AHI1: variants seen among roughly 807,000 people sequenced by gnomAD.
AHI1 encodes the protein jouberin.
In AHI1, 123 loss-of-function variants were observed where a neutral mutation model predicts 149.3. The observed-to-expected ratio is 0.82, with a 90% confidence interval of 0.71 to 0.96. The LOEUF (loss-of-function observed/expected upper bound fraction) is 0.96, where lower values mean the gene tolerates loss of function less well. AHI1 is among the 40% of genes least tolerant of loss of function. The pLI, the probability that AHI1 is intolerant of heterozygous loss-of-function variation, is 0.00. For missense variants in AHI1, 1,439 were observed against 1,422.7 expected (o/e 1.01, Z -0.18); for synonymous variants, 475 against 459.8 (o/e 1.03, Z -0.42).
At chr6:135,316,665 T>C (rs1785996506) in intron 26 of AHI1, among the ~76,000 whole-genome samples, 1 of 152,204 alleles carries the variant, frequency 6.6e-6, no homozygotes. Flanking sequence ...TTAATTAGGT[T>C]CTGTCCTTGG....
intron 27 of AHI1, among the ~76,000 whole-genome samples, chr6:135,298,335 AAAAAAAAC>A (rs975626421): frequency 4.6e-5 from 7 of 151,906 alleles, no homozygotes; most frequent in Non-Finnish European, 5.9e-5. Context: ...CTCAAAAAAA[AAAAAAAAC>A]AAAAAAACAA....
intron 20 of AHI1, 30 bp from the exon 21 acceptor site, chr6:135,411,574 T>C: frequency 2.0e-6 from 3 of 1,510,108 alleles, no homozygotes; most frequent in Non-Finnish European, 2.7e-6. Context: ...ATTAGTTAAA[T>C]CATCATAGCA....
At chr6:135,311,565 C>T (rs559793594) in intron 26 of AHI1, among the ~76,000 whole-genome samples, 153 of 152,104 alleles carry the variant, frequency 1.0e-3, no homozygotes, top group Middle Eastern at 6.8e-3. Flanking sequence ...TAGAACAACT[C>T]TAGTAATTAA....
intron 5 of AHI1, among the ~76,000 whole-genome samples, chr6:135,469,162 CCAT>C (rs755281528): frequency 3.3e-5 from 5 of 152,300 alleles, no homozygotes; most frequent in East Asian, 1.9e-4. Context: ...TTATCCACCA[CCAT>C]CAAGTCAGCT....
chr6:135,335,596 C>T (rs1282980808), intron 24 of AHI1, among the ~76,000 whole-genome samples: 1 of 151,874 alleles, frequency 6.6e-6, no homozygotes, highest in Non-Finnish European at 1.5e-5. Context: ...ATAAATAGTA[C>T]CAAGGTGCAT....
intron 26 of AHI1, among the ~76,000 whole-genome samples, chr6:135,306,143 G>A (rs999392208): frequency 6.6e-6 from 1 of 152,152 alleles, no homozygotes; most frequent in Non-Finnish European, 1.5e-5. Flanking sequence ...CTACTACAGT[G>A]CACAGAAAAC....
intron 26 of AHI1, chr6:135,301,207 G>C: frequency 1.0e-6 from 1 of 983,992 alleles, no homozygotes; most frequent in Non-Finnish European, 1.2e-6. Flanking sequence ...ACCTAATGTT[G>C]CTATAAAACG....
At chr6:135,329,697 AT>A (rs1245881851) in intron 24 of AHI1, among the ~76,000 whole-genome samples, 1 of 152,216 alleles carries the variant, frequency 6.6e-6, no homozygotes, top group African/African-American at 2.4e-5. Context: ...TAAGAAATGT[AT>A]TTCTTAAGTC....
intron 24 of AHI1, 22 bp downstream of exon 24, chr6:135,358,110 A>G: frequency 6.2e-7 from 1 of 1,606,984 alleles, no homozygotes; most frequent in Non-Finnish European, 8.5e-7. Context: ...ACTTTTAACA[A>G]CGTAGCAACA....
intron 23 of AHI1, among the ~76,000 whole-genome samples, chr6:135,386,968 C>G (rs563445134): frequency 1.3e-5 from 2 of 152,156 alleles, no homozygotes; most frequent in African/African-American, 2.4e-5. Context: ...TGCTCTGTCT[C>G]GACCTCCAGG....
At chr6:135,384,011 T>C (rs1777236210) in intron 23 of AHI1, among the ~76,000 whole-genome samples, 1 of 152,238 alleles carries the variant, frequency 6.6e-6, no homozygotes, top group African/African-American at 2.4e-5. Flanking sequence ...AAACATTTAC[T>C]ACTTTCACCA....
At chr6:135,465,637 T>C (rs1583370298) in intron 7 of AHI1, among the ~76,000 whole-genome samples, 177 bp downstream of exon 7, 1 of 152,226 alleles carries the variant, frequency 6.6e-6, no homozygotes, top group East Asian at 1.9e-4. Context: ...TTAATTCTCG[T>C]AAAGCACCTA....
At chr6:135,416,279 A>G (rs1463759184) in intron 20 of AHI1, among the ~76,000 whole-genome samples, 1 of 152,130 alleles carries the variant, frequency 6.6e-6, no homozygotes, top group Non-Finnish European at 1.5e-5. Context: ...GAACCATTAA[A>G]GAAAATTCAC....
chr6:135,405,893 A>AAAAAGG (rs1780725318), intron 21 of AHI1, among the ~76,000 whole-genome samples: 1 of 151,348 alleles, frequency 6.6e-6, no homozygotes, highest in Non-Finnish European at 1.5e-5. Context: ...AAAGAAAAAG[A>AAAAAGG]AAAAGAAAAA....
At chr6:135,361,192 T>A (rs1793807080) in intron 23 of AHI1, among the ~76,000 whole-genome samples, 1 of 152,230 alleles carries the variant, frequency 6.6e-6, no homozygotes, top group South Asian at 2.1e-4. Context: ...ACTTCAAGAA[T>A]AATATAAGCA....
intron 24 of AHI1, among the ~76,000 whole-genome samples, chr6:135,354,418 C>T (rs906780603): frequency 6.6e-5 from 10 of 152,112 alleles, no homozygotes; most frequent in African/African-American, 2.4e-4. Flanking sequence ...ATTAATTCTG[C>T]CAGAAAATAT....
In AHI1 at chr6:135,442,651, G is replaced by T. The variant is rs367934419; in HGVS notation, c.1843C>A (p.Leu615Ile). 7 of 1,610,980 alleles carry T rather than the reference G, an allele frequency of 4.3e-6. No homozygotes were observed. The highest frequency in any genetic ancestry group is 1.7e-4 in the Middle Eastern group (1 of 6,056). Residue 615 changes from leucine (L) to isoleucine (I), a missense_variant, in exon 14 of 29, where the codon CTT (leucine) becomes ATT (isoleucine). By Grantham distance (5) the Leu-to-Ile change is conservative. Transcript: ENST00000265602. ...ATTCTTCCATTGTGGGAGAAATCAA[G>T]ACAAAAACATCCTCGTTCTCCTGCA... ...LNAGERGCFC[L>I]DFSHNGRILA...
At chr6:135,453,251 C>T (rs1248461259) in intron 11 of AHI1, 90 bp downstream of exon 11, 2 of 974,218 alleles carry the variant, frequency 2.1e-6, no homozygotes, top group East Asian at 5.2e-5. Flanking sequence ...GATTCTAATT[C>T]CTTATATGAG....
At chr6:135,399,567 G>A (rs959522048) in intron 22 of AHI1, among the ~76,000 whole-genome samples, 15 of 152,080 alleles carry the variant, frequency 9.9e-5, no homozygotes, top group African/African-American at 3.4e-4. Flanking sequence ...CCTCATCAGT[G>A]CTATTTGTTA....
Sources: gnomAD v4.1 joint callset for allele counts (sites outside exome capture counted in the v4.1 genomes callset) on GRCh38, gnomAD v4.1.1 for gene constraint, MANE v1.5 for transcripts, NCBI Gene and HGNC (gene_info 2026-07-23, HGNC 2026-07-21) for gene names.